The following FFAR1 variants were observed in gnomAD, a reference collection of about 807,000 sequenced individuals.
The protein encoded by FFAR1 is free fatty acid receptor 1.
For missense variants in FFAR1, 424 were observed against 396.2 expected (o/e 1.07, Z -0.60); for synonymous variants, 216 against 201.5 (o/e 1.07, Z -0.61).
At chr19:35,353,352 G>C (rs1025436579) in exon 1 of FFAR1, 17 of 152,104 alleles carry the variant, frequency 1.1e-4, no homozygotes, top group African/African-American at 3.9e-4. Context: ...AGCTGGGCGT[G>C]GTGGTGCGTG....
chr19:35,352,476 G>A (rs1184033909), exon 1 of FFAR1: 1 of 1,546,286 alleles, frequency 6.5e-7, no homozygotes, highest in Non-Finnish European at 8.7e-7. Flanking sequence ...GGGGGAAGGA[G>A]CATGGGGCAG....
exon 1 of FFAR1, chr19:35,351,788 C>T (rs750765669): frequency 1.8e-5 from 29 of 1,589,954 alleles, no homozygotes; most frequent in Non-Finnish European, 2.4e-5. Flanking sequence ...CCTCGCTGTG[C>T]CCCGTCTTCG....
At chr19:35,348,627 T>G (rs1405586697), upstream of FFAR1, among the ~76,000 whole-genome samples, 2 of 152,150 alleles carry the variant, frequency 1.3e-5, no homozygotes, top group African/African-American at 4.8e-5. Context: ...ACTGTTTAAA[T>G]GAGACAGGAG....
chr19:35,351,630 A>G, exon 1 of FFAR1: 4 of 1,544,442 alleles, frequency 2.6e-6, no homozygotes, highest in Non-Finnish European at 3.5e-6. Flanking sequence ...CGTCCTGGCC[A>G]TCCGAGGCGC....
At chr19:35,349,304 G>A (rs1280306536), upstream of FFAR1, among the ~76,000 whole-genome samples, 1 of 152,204 alleles carries the variant, frequency 6.6e-6, no homozygotes, top group Non-Finnish European at 1.5e-5. Context: ...GAAGGCCCTC[G>A]GAGAAGGTGA....
At chr19:35,352,216 C>A (rs754705434) in exon 1 of FFAR1, 5 of 1,584,200 alleles carry the variant, frequency 3.2e-6, no homozygotes, top group South Asian at 2.3e-5. Context: ...AAGCTGCGGG[C>A]CGCCTGGGTG....
upstream of FFAR1, among the ~76,000 whole-genome samples, chr19:35,350,450 G>A (rs952427769): frequency 2.6e-5 from 4 of 152,124 alleles, no homozygotes; most frequent in African/African-American, 9.7e-5. Flanking sequence ...CCTGCCCAGG[G>A]GTGCATCAAG....
At chr19:35,351,881 C>G in exon 1 of FFAR1, 1 of 1,613,994 alleles carries the variant, frequency 6.2e-7, no homozygotes, top group Non-Finnish European at 8.5e-7. Context: ...GAGCAGCCTT[C>G]CCCTTGGGCT....
At chr19:35,349,571 C>T (rs538286897), upstream of FFAR1, among the ~76,000 whole-genome samples, 36 of 152,276 alleles carry the variant, frequency 2.4e-4, no homozygotes, top group African/African-American at 6.7e-4. Flanking sequence ...TTAGTGGCTC[C>T]GAGGTATGAA....
chr19:35,351,816 C>G, exon 1 of FFAR1: 1 of 1,608,070 alleles, frequency 6.2e-7, no homozygotes, highest in Non-Finnish European at 8.5e-7. Context: ...CCACTTCTTC[C>G]CACTCTATGC....
chr19:35,352,561 C>A, exon 1 of FFAR1: 2 of 1,279,034 alleles, frequency 1.6e-6, no homozygotes, highest in Non-Finnish European at 2.1e-6. Context: ...GGCCCGGAGG[C>A]CTCCCTGGAG....
chr19:35,351,910 C>G (rs1391729010), exon 1 of FFAR1: 16 of 1,614,104 alleles, frequency 9.9e-6, no homozygotes, highest in Non-Finnish European at 1.4e-5. Context: ...TTCCGGAGGC[C>G]GTGCTATTCC....
exon 1 of FFAR1, chr19:35,353,745 A>G (rs964007010): frequency 6.6e-6 from 1 of 152,204 alleles, no homozygotes. Context: ...ACCCTTTTTT[A>G]TAATGTCATG....
chr19:35,351,558 C>T, exon 1 of FFAR1: 6 of 1,540,282 alleles, frequency 3.9e-6, no homozygotes, highest in Non-Finnish European at 5.2e-6. Flanking sequence ...CCCCATGGAC[C>T]TGCCCCCGCA....
At chr19:35,352,435 G>A (rs1292937673) in exon 1 of FFAR1, 5 of 1,554,260 alleles carry the variant, frequency 3.2e-6, no homozygotes, top group South Asian at 1.2e-5. Context: ...AGAACGCAAG[G>A]GGGCAAGTCC....
At position 35,352,610 on chromosome 19, in the gene FFAR1, C is replaced by T. The variant is rs1289271981; in HGVS notation, c.*156C>T. 3 of 775,638 alleles carry T rather than the reference C, an allele frequency of 3.9e-6. No individual in the cohort carries two copies. The South Asian group carries it at 5.6e-5, about 14-fold the overall frequency. The allele number at this position is 775,638 out of a possible 1,614,324, so 48.0% of individuals were successfully genotyped here. ...GAGCGGCGCCTGCTGAGGGCAGCAC[C>T]CCAGTCAAGAGAGGAGCACCGAGCC... On this transcript the variant is annotated 3_prime_UTR_variant, in exon 1 of 1. Transcript: ENST00000246553.
At chr19:35,349,903 G>A (rs2066937002), upstream of FFAR1, among the ~76,000 whole-genome samples, 7 of 152,202 alleles carry the variant, frequency 4.6e-5, 1 homozygote. Context: ...GCACACCTGA[G>A]AGAGCATCCA....
chr19:35,352,278 T>G (rs1435903559), exon 1 of FFAR1: 3 of 1,552,124 alleles, frequency 1.9e-6, no homozygotes, highest in Non-Finnish European at 2.6e-6. Context: ...CTACAACGCC[T>G]CCAACGTGGC....
exon 1 of FFAR1, chr19:35,352,297 T>C: frequency 6.4e-7 from 1 of 1,552,340 alleles, no homozygotes; most frequent in Non-Finnish European, 8.7e-7. Flanking sequence ...GCCAGCTTCC[T>C]GTACCCCAAT....
Sources: gnomAD v4.1 joint callset for allele counts (sites outside exome capture counted in the v4.1 genomes callset) on GRCh38, gnomAD v4.1.1 for gene constraint, MANE v1.5 for transcripts, NCBI Gene and HGNC (gene_info 2026-07-23, HGNC 2026-07-21) for gene names.